The following E2F3 variants were observed in gnomAD, a reference collection of about 807,000 sequenced individuals.
E2F3 encodes E2F transcription factor 3, also known as transcription factor E2F3.
In E2F3, 11 loss-of-function variants were observed where a neutral mutation model predicts 44.4. The observed-to-expected ratio is 0.25, with a 90% CI of 0.16 to 0.41. The LOEUF (loss-of-function observed/expected upper bound fraction) is 0.41. E2F3 is among the 10% of genes least tolerant of loss of function. The pLI is 1.00. For synonymous variants in E2F3, 249 were observed against 253.0 expected (o/e 0.98, Z 0.15); for missense variants, 487 against 583.6 (o/e 0.83, Z 1.70).
At position 20,491,236 on chromosome 6, in the gene E2F3, AC is replaced by A. The variant is rs1050214261; in HGVS notation, c.*807del. On this transcript the variant is annotated 3_prime_UTR_variant, in exon 7 of 7. Coordinates refer to ENST00000346618, the MANE Select transcript of E2F3 (RefSeq NM_001949.5). ...CTTAGTTCTTTGTGGATTGTTCTAG[AC>A]TTTTAATTTTTTTAGCTGCCATTTA... The A allele has an allele frequency of 1.3e-5, 3 of 231,986 alleles. No individual in the cohort carries two copies. The highest frequency in any genetic ancestry group is 6.6e-5 in the African/African-American group (3 of 45,212). 14.4% of individuals were successfully genotyped at this position (231,986 alleles called of 1,614,324 possible).
At chr6:20,414,724 GT>G (rs1759786735) in intron 1 of E2F3, among the ~76,000 whole-genome samples, 1 of 152,082 alleles carries the variant, frequency 6.6e-6, no homozygotes, top group Admixed American at 6.5e-5. Context: ...CACCTTTCTT[GT>G]TGCTGTTTTC....
At chr6:20,416,494 G>A (rs967952190) in intron 1 of E2F3, among the ~76,000 whole-genome samples, 1 of 152,174 alleles carries the variant, frequency 6.6e-6, no homozygotes, top group African/African-American at 2.4e-5. Flanking sequence ...TCTTTGATGG[G>A]TTCTTTTTCT....
In E2F3 at chr6:20,490,238, C is replaced by A; in HGVS notation, c.1206C>A (p.Ser402=). Residue 402 remains serine, a synonymous_variant, in exon 7 of 7, where the codon TCC becomes TCA. Coordinates refer to ENST00000346618, the MANE Select transcript of E2F3 (RefSeq NM_001949.5). The surrounding 1 kb of genome is among the most constrained non-coding windows in gnomAD (Gnocchi z 4.3). ...TGGGAAACCTTTCTCCTCTGGCCTC[C>A]CCAGCCAACCTCTTACAGCAGACTG... ...VSMGNLSPLA[S]PANLLQQTED... 6.2e-7 allele frequency: 1 copy of A among 1,614,152 alleles called. No individual in the cohort carries two copies. The highest frequency in any genetic ancestry group is 8.5e-7 in the Non-Finnish European group (1 of 1,180,004).
chr6:20,460,733 C>T (rs910894003), intron 1 of E2F3, among the ~76,000 whole-genome samples: 12 of 152,182 alleles, frequency 7.9e-5, no homozygotes, highest in East Asian at 1.9e-4. Flanking sequence ...TGGTGGCTCA[C>T]GCCCGTAATC....
At chr6:20,449,679 C>T (rs1333248181) in intron 1 of E2F3, among the ~76,000 whole-genome samples, 1 of 152,058 alleles carries the variant, frequency 6.6e-6, no homozygotes, top group East Asian at 1.9e-4. Context: ...TAGGGAAACT[C>T]GTGTCATGAA....
intron 1 of E2F3, among the ~76,000 whole-genome samples, chr6:20,425,987 C>A (rs924048673): frequency 3.3e-5 from 5 of 152,200 alleles, no homozygotes; most frequent in Non-Finnish European, 7.3e-5. Context: ...GTTGAGCTCC[C>A]ACTGGGAGTT....
At chr6:20,458,504 C>A (rs1237141683) in intron 1 of E2F3, among the ~76,000 whole-genome samples, 2 of 152,170 alleles carry the variant, frequency 1.3e-5, no homozygotes, top group Non-Finnish European at 2.9e-5. Context: ...AAACAGCTCA[C>A]TCATGGTGGT....
At chr6:20,465,498 A>G (rs1376706435) in intron 1 of E2F3, among the ~76,000 whole-genome samples, 1 of 152,126 alleles carries the variant, frequency 6.6e-6, no homozygotes, top group Non-Finnish European at 1.5e-5. Flanking sequence ...ATTGGGGAAC[A>G]GGTGGTATTT....
intron 1 of E2F3, chr6:20,445,214 C>A: frequency 3.4e-6 from 3 of 887,526 alleles, no homozygotes; most frequent in Non-Finnish European, 1.3e-6. Flanking sequence ...GATGACAAGG[C>A]ATTGAGAAAA....
intron 1 of E2F3, among the ~76,000 whole-genome samples, chr6:20,441,997 C>CTTT (rs112011567): frequency 2.1e-5 from 3 of 144,318 alleles, no homozygotes; most frequent in Admixed American, 6.9e-5. Context: ...GTCACCCAAC[C>CTTT]TTTTTTTTTT....
At position 20,492,422 on chromosome 6, in the gene E2F3, G is replaced by A. The variant is rs1438788251; in HGVS notation, c.*1992G>A. On this transcript the variant is annotated 3_prime_UTR_variant, in exon 7 of 7. Coordinates refer to ENST00000346618, the MANE Select transcript of E2F3 (RefSeq NM_001949.5). ...GGTGTGGTCCTAGATGAAGCATTGGGGTGGGGGAGGGAGAGGGAGCTTTGT... is the reference window on the plus strand; with the variant it reads ...GGTGTGGTCCTAGATGAAGCATTGGAGTGGGGGAGGGAGAGGGAGCTTTGT... 1 of 233,652 alleles carries A rather than the reference G, an allele frequency of 4.3e-6. No homozygotes were observed. The highest frequency in any genetic ancestry group is 8.5e-6 in the Non-Finnish European group (1 of 118,026). 14.5% of individuals were successfully genotyped at this position (233,652 alleles called of 1,614,324 possible). A position where few individuals can be genotyped will look rare whatever the true frequency, so the allele number is the denominator to read the frequency against.
At chr6:20,456,356 G>A (rs985023744) in intron 1 of E2F3, among the ~76,000 whole-genome samples, 1 of 151,442 alleles carries the variant, frequency 6.6e-6, no homozygotes, top group Non-Finnish European at 1.5e-5. Context: ...AAACTGACAA[G>A]GAGAATTATA....
At chr6:20,456,105 G>A (rs2127603611) in intron 1 of E2F3, among the ~76,000 whole-genome samples, 1 of 152,066 alleles carries the variant, frequency 6.6e-6, no homozygotes. Context: ...CCAGGTTCCG[G>A]TGGGTCTTAC....
chr6:20,471,852 A>G (rs1313125312), intron 1 of E2F3, among the ~76,000 whole-genome samples: 1 of 152,102 alleles, frequency 6.6e-6, no homozygotes, highest in Admixed American at 6.5e-5. Flanking sequence ...TTTGGTGTGG[A>G]TCTATTTTCA....
rs979963201 is a variant in E2F3, at chr6:20,401,926, C to T, written c.-307C>T. The stretch of plus-strand genomic sequence containing the variant: ...CTGGAGCCATTTTTCAGCTGCCGGC[C>T]GCAGCACCCGGGCTGCCGCCGCCGC... On this transcript the variant is annotated 5_prime_UTR_variant, in exon 1 of 7. Transcript: ENST00000346618. The T allele has an allele frequency of 4.8e-5, 19 of 398,260 alleles. No individual in the cohort carries two copies. The highest frequency in any genetic ancestry group is 8.8e-5 in the Admixed American group (2 of 22,686). The allele number at this position is 398,260 out of a possible 1,614,324, so 24.7% of individuals were successfully genotyped here. A position where few individuals can be genotyped will look rare whatever the true frequency, so the allele number is the denominator to read the frequency against.
chr6:20,410,036 G>T (rs890240542), intron 1 of E2F3, among the ~76,000 whole-genome samples: 1 of 152,176 alleles, frequency 6.6e-6, no homozygotes, highest in African/African-American at 2.4e-5. Context: ...GCTGAGGAGA[G>T]CTTCTGCCTG....
rs1407980908 is a variant in E2F3, at chr6:20,490,762, C to T, written c.*332C>T. On this transcript the variant is annotated 3_prime_UTR_variant, in exon 7 of 7. Coordinates refer to ENST00000346618, the MANE Select transcript of E2F3 (RefSeq NM_001949.5). The surrounding 1 kb of genome is among the most constrained non-coding windows in gnomAD (Gnocchi z 4.3). ...CCTCCTTCCTCCCCGGATTGGCTTG[C>T]TGTGCCTGACGGATGGGCTGTAGAA... 1.2e-5 allele frequency: 3 copies of T among 247,246 alleles called. No homozygotes were observed. Among genetic ancestry groups the T allele is most frequent in the South Asian group, 3.0e-4 (2 of 6,584 alleles). The allele number at this position is 247,246 out of a possible 1,614,324, so 15.3% of individuals were successfully genotyped here.
chr6:20,420,888 A>G (rs538454757), intron 1 of E2F3, among the ~76,000 whole-genome samples: 2 of 152,286 alleles, frequency 1.3e-5, no homozygotes, highest in African/African-American at 4.8e-5. Flanking sequence ...ATACTATTTG[A>G]TAGCATTTTT....
intron 1 of E2F3, among the ~76,000 whole-genome samples, chr6:20,465,239 C>A (rs953862798): frequency 1.3e-5 from 2 of 152,216 alleles, no homozygotes; most frequent in African/African-American, 4.8e-5. Context: ...GATTAATCTG[C>A]CTGACTATTG....
Sources: gnomAD v4.1 joint callset for allele counts (sites outside exome capture counted in the v4.1 genomes callset) on GRCh38, gnomAD v4.1.1 for gene constraint, Gnocchi (gnomAD v3.1) non-coding constraint, MANE v1.5 for transcripts, NCBI Gene and HGNC (gene_info 2026-07-23, HGNC 2026-07-21) for gene names.